CDH13: variants seen among roughly 807,000 people sequenced by gnomAD.
CDH13 encodes the protein cadherin 13, also known as cadherin-13.
A neutral mutation model predicts 63.8 loss-of-function variants in CDH13; 24 were observed. The observed-to-expected ratio is 0.38, with a 90% CI of 0.27 to 0.53. The LOEUF (loss-of-function observed/expected upper bound fraction) is 0.53, where lower values mean the gene tolerates loss of function less well. Among genes scored for constraint, CDH13 ranks in the 20% least tolerant of loss-of-function variants. CDH13 has a pLI of 0.85. For synonymous variants in CDH13, 503 were observed against 355.3 expected, an observed-to-expected ratio of 1.42 and a Z score of -4.67; for missense variants, 1,049 against 903.1, an observed-to-expected ratio of 1.16 and a Z score of -2.07.
At chr16:83,013,886 T>A (rs1914409623) in intron 2 of CDH13, among the ~76,000 whole-genome samples, 1 of 152,162 alleles carries the variant, frequency 6.6e-6, no homozygotes, top group Admixed American at 6.5e-5. Context: ...GGGTTTGCCC[T>A]GAGTTTCCTG....
intron 2 of CDH13, among the ~76,000 whole-genome samples, chr16:83,031,237 A>G (rs527240059): frequency 5.5e-4 from 80 of 145,880 alleles, no homozygotes; most frequent in African/African-American, 1.9e-3. Flanking sequence ...TGTATACACC[A>G]TATACATGCG....
intron 13 of CDH13, among the ~76,000 whole-genome samples, chr16:83,786,674 G>A (rs889231575): frequency 3.3e-5 from 5 of 151,742 alleles, no homozygotes; most frequent in Non-Finnish European, 7.4e-5. Flanking sequence ...TGCAACCTCC[G>A]TCTCCCGGGT....
intron 1 of CDH13, among the ~76,000 whole-genome samples, chr16:82,827,856 C>T (rs890214384): frequency 1.3e-5 from 2 of 152,074 alleles, no homozygotes; most frequent in African/African-American, 4.8e-5. Flanking sequence ...GAGTATGACA[C>T]GGAGCCAGAA....
At chr16:82,770,034 C>T (rs8063356) in intron 1 of CDH13, among the ~76,000 whole-genome samples, 1,565 of 152,310 alleles carry the variant, frequency 0.01, 24 homozygotes, top group African/African-American at 0.036. Context: ...CAGCTGCTGT[C>T]CCCAGCTAAT....
chr16:83,378,436 A>T (rs1047876895), intron 6 of CDH13, among the ~76,000 whole-genome samples: 1 of 152,078 alleles, frequency 6.6e-6, no homozygotes. Context: ...GGACATTATT[A>T]TGTTCTAGTT....
chr16:82,854,652 A>T (rs188885441), intron 1 of CDH13, among the ~76,000 whole-genome samples: 3 of 152,314 alleles, frequency 2.0e-5, no homozygotes, highest in Admixed American at 6.5e-5. Flanking sequence ...CTTTATGCAG[A>T]TAATTCGTAA....
At chr16:82,928,159 C>CGTGT (rs1459344388) in intron 2 of CDH13, among the ~76,000 whole-genome samples, 2 of 46,648 alleles carry the variant, frequency 4.3e-5, no homozygotes, top group Admixed American at 2.3e-4. Flanking sequence ...AGTAGGCAGT[C>CGTGT]GTGTATGTGT....
chr16:83,132,552 A>G (rs867613432), intron 4 of CDH13, among the ~76,000 whole-genome samples: 1 of 148,400 alleles, frequency 6.7e-6, no homozygotes, highest in South Asian at 2.1e-4. Flanking sequence ...GCTTCAAGCA[A>G]TTCTCCTGCT....
chr16:83,344,089 C>T (rs910859146), intron 5 of CDH13, among the ~76,000 whole-genome samples: 3 of 152,146 alleles, frequency 2.0e-5, no homozygotes, highest in African/African-American at 7.2e-5. Flanking sequence ...CGGGGACCAA[C>T]ACTTATATCC....
intron 8 of CDH13, among the ~76,000 whole-genome samples, chr16:83,635,223 C>G (rs1394339220): frequency 1.3e-5 from 2 of 151,982 alleles, no homozygotes; most frequent in Non-Finnish European, 2.9e-5. Context: ...TGCTTATTTG[C>G]CGTCAGTGTT....
At chr16:82,635,104 T>A (rs770754276) in intron 1 of CDH13, among the ~76,000 whole-genome samples, 1 of 152,230 alleles carries the variant, frequency 6.6e-6, no homozygotes, top group Non-Finnish European at 1.5e-5. Context: ...TAGGTGTTCT[T>A]TGTCTTTCTC....
chr16:82,767,581 T>C (rs1156881791), intron 1 of CDH13, among the ~76,000 whole-genome samples: 1 of 152,220 alleles, frequency 6.6e-6, no homozygotes, highest in East Asian at 1.9e-4. Flanking sequence ...TCCTGGTCCC[T>C]GCCCCCTTTA....
chr16:83,730,360 C>T (rs1910904022), intron 10 of CDH13, among the ~76,000 whole-genome samples: 1 of 152,186 alleles, frequency 6.6e-6, no homozygotes, highest in African/African-American at 2.4e-5. Context: ...TTGGAATGTG[C>T]TCCCTATAGC....
At chr16:83,108,367 C>T (rs896797781) in intron 3 of CDH13, among the ~76,000 whole-genome samples, 3 of 152,140 alleles carry the variant, frequency 2.0e-5, no homozygotes, top group African/African-American at 7.2e-5. Context: ...GTCAAACAAC[C>T]AGGAAAGACT....
At chr16:83,712,354 T>C (rs985901185) in intron 10 of CDH13, among the ~76,000 whole-genome samples, 8 of 152,168 alleles carry the variant, frequency 5.3e-5, no homozygotes, top group African/African-American at 1.9e-4. Flanking sequence ...ACACCTGGTT[T>C]GGGACAGGCC....
intron 5 of CDH13, among the ~76,000 whole-genome samples, chr16:83,290,691 C>G (rs866976627): frequency 6.6e-6 from 1 of 152,160 alleles, no homozygotes; most frequent in Non-Finnish European, 1.5e-5. Flanking sequence ...GATCAGATTC[C>G]TCTTCAGTGC....
At chr16:83,435,473 C>CCAGCCCTGCTGCCTCTCTGATGTGGTT (rs1302568543) in intron 6 of CDH13, among the ~76,000 whole-genome samples, 4 of 152,110 alleles carry the variant, frequency 2.6e-5, no homozygotes, top group African/African-American at 9.7e-5. Context: ...CTGATGTGGT[C>CCAGCCCTGCTGCCTCTCTGATGTGGTT]CAGCCCTGCT....
intron 1 of CDH13, among the ~76,000 whole-genome samples, chr16:82,647,725 T>A (rs1292123992): frequency 1.3e-5 from 2 of 152,088 alleles, no homozygotes; most frequent in African/African-American, 4.8e-5. Flanking sequence ...GGTGTAGATA[T>A]TTGCAGTTGG....
intron 5 of CDH13, among the ~76,000 whole-genome samples, chr16:83,274,586 C>G (rs545721813): frequency 6.6e-6 from 1 of 152,234 alleles, no homozygotes; most frequent in East Asian, 1.9e-4. Context: ...GTCTTTCCCC[C>G]CAGAGAAACC....
Sources: allele counts gnomAD v4.1 joint callset (sites outside exome capture counted in the v4.1 genomes callset), GRCh38; gene constraint gnomAD v4.1.1; transcripts MANE v1.5; gene names NCBI Gene and HGNC (gene_info 2026-07-23, HGNC 2026-07-21).